IGSF5: variants seen among roughly 807,000 people sequenced by gnomAD.
The protein encoded by IGSF5 is immunoglobulin superfamily member 5, also known as immunoglobulin superfamily 5 like.
A neutral mutation model predicts 39.4 loss-of-function variants in IGSF5; 41 were observed. The ratio of observed to expected loss-of-function variants is 1.04; its 90% confidence interval spans 0.81 to 1.35. The LOEUF is 1.35. IGSF5 is among the 40% of genes most tolerant of loss of function. The pLI, the probability that IGSF5 is intolerant of heterozygous loss-of-function variation, is 0.00. For missense variants in IGSF5, 487 were observed against 494.6 expected (o/e 0.98, Z 0.15); for synonymous variants, 183 against 175.3 (o/e 1.04, Z -0.34).
the IGSF5 span, chr21:39,727,779 A>G: frequency 2.0e-4 from 30 of 152,258 alleles, no homozygotes; most frequent in African/African-American, 7.2e-4. Context: ...CTGCAGACCC[A>G]TGTGGTGCTC....
At position 39,771,116 on chromosome 21, in the gene IGSF5, C is replaced by T; in HGVS notation, c.619C>T (p.Pro207Ser). The T allele has an allele frequency of 7.4e-6, 12 of 1,612,774 alleles. No homozygotes were observed. Among genetic ancestry groups the T allele is most frequent in the African/African-American group, 1.3e-5 (1 of 75,026 alleles). The change falls in exon 4 of 9, where the codon CCA (proline) becomes TCA (serine). Residue 207 changes from proline (P) to serine (S), a missense_variant. Physicochemically the swap from Pro to Ser is moderately conservative, Grantham distance 74. Transcript: ENST00000380588. ...TGCAGTGAGCATCCTGGCTCTGACC[C>T]CACAGAGCAATGGGACTTTGACTTG... Reference protein sequence around the residue: ...QSAVSILALTPQSNGTLTCVA... With the variant: ...QSAVSILALTSQSNGTLTCVA...
At chr21:39,799,438 T>C (rs1215858092) in intron 8 of IGSF5, among the ~76,000 whole-genome samples, 2 of 152,162 alleles carry the variant, frequency 1.3e-5, no homozygotes, top group Admixed American at 6.5e-5. Context: ...TGGATCAGAA[T>C]GTCTGGGAGA....
chr21:39,768,321 C>T (rs750340238), intron 3 of IGSF5, among the ~76,000 whole-genome samples: 83 of 152,128 alleles, frequency 5.5e-4, no homozygotes, highest in Non-Finnish European at 4.9e-4. Flanking sequence ...ATGAATTATT[C>T]TATGATTTTT....
At chr21:39,776,709 T>C (rs2080143345) in intron 4 of IGSF5, among the ~76,000 whole-genome samples, 1 of 152,150 alleles carries the variant, frequency 6.6e-6, no homozygotes, top group Non-Finnish European at 1.5e-5. Flanking sequence ...AAATGTTATG[T>C]CCAGATTCAG....
intron 2 of IGSF5, among the ~76,000 whole-genome samples, chr21:39,747,796 T>G (rs145673981): frequency 6.6e-6 from 1 of 152,266 alleles, no homozygotes; most frequent in African/African-American, 2.4e-5. Context: ...ATTTTTCTTC[T>G]GATTCAGTTG....
chr21:39,723,050 C>A, the IGSF5 span, among the ~76,000 whole-genome samples: 1 of 152,098 alleles, frequency 6.6e-6, no homozygotes, highest in Non-Finnish European at 1.5e-5. Context: ...AACAAATTGC[C>A]GCAAAAGCAG....
chr21:39,801,396 A>C lies in IGSF5; in HGVS notation c.*39A>C, dbSNP rs1240217352. 7.0e-7 allele frequency: 1 copy of C among 1,430,490 alleles called. No individual in the cohort carries two copies. Among genetic ancestry groups the C allele is most frequent in the Non-Finnish European group, 9.9e-7 (1 of 1,014,662 alleles). 88.6% of individuals were successfully genotyped at this position (1,430,490 alleles called of 1,614,324 possible). A position where few individuals can be genotyped will look rare whatever the true frequency, so the allele number is the denominator to read the frequency against. ...AAGCTCCACTGAGCACTTGGCTGACAATTCAAAACACGGCGATGGCATCCT... is the reference window on the plus strand; with the variant it reads ...AAGCTCCACTGAGCACTTGGCTGACCATTCAAAACACGGCGATGGCATCCT... On this transcript the variant is annotated 3_prime_UTR_variant, in exon 9 of 9. Transcript: ENST00000380588.
chr21:39,739,439 T>C, the IGSF5 span, among the ~76,000 whole-genome samples: 1 of 152,128 alleles, frequency 6.6e-6, no homozygotes, highest in South Asian at 2.1e-4. Context: ...TTATCTCCGT[T>C]TTTGCCTAAT....
chr21:39,726,552 G>C, the IGSF5 span, among the ~76,000 whole-genome samples: 1 of 152,170 alleles, frequency 6.6e-6, no homozygotes, highest in Non-Finnish European at 1.5e-5. Flanking sequence ...GGCAGGGCAG[G>C]GTGGAGGCGG....
intron 2 of IGSF5, among the ~76,000 whole-genome samples, chr21:39,760,097 G>C (rs1000934812): frequency 6.6e-6 from 1 of 152,132 alleles, no homozygotes; most frequent in African/African-American, 2.4e-5. Context: ...TTCATTTGTA[G>C]ATATGGCTCT....
At chr21:39,740,899 A>T (rs113502131), upstream of IGSF5, among the ~76,000 whole-genome samples, 19,125 of 152,086 alleles carry the variant, frequency 0.13, 1,257 homozygotes, top group Middle Eastern at 0.2. Context: ...TCACATCATG[A>T]GATGTCCACA....
At chr21:39,755,285 C>T (rs1190118393) in intron 2 of IGSF5, among the ~76,000 whole-genome samples, 3 of 152,110 alleles carry the variant, frequency 2.0e-5, no homozygotes, top group Non-Finnish European at 2.9e-5. Context: ...TTAATCGAAC[C>T]TTAAAAATTA....
rs2087032771 is a variant in IGSF5 at position 39,801,965 on chromosome 21, A to C, written c.*608A>C. The C allele has an allele frequency of 6.6e-6, 1 of 152,412 alleles. No individual in the cohort carries two copies. The allele number at this position is 152,412 out of a possible 1,614,324, so 9.4% of individuals were successfully genotyped here. ...TTATCAGACCTATTTGCATCTCCTCAAATGAATTAGATGTGGCCTATGCTT... is the reference window on the plus strand; with the variant it reads ...TTATCAGACCTATTTGCATCTCCTCCAATGAATTAGATGTGGCCTATGCTT... On this transcript the variant is annotated 3_prime_UTR_variant, in exon 9 of 9. Coordinates refer to ENST00000380588, the MANE Select transcript of IGSF5 (RefSeq NM_001080444.2).
At chr21:39,784,807 C>T (rs938504316) in intron 5 of IGSF5, among the ~76,000 whole-genome samples, 5 of 152,092 alleles carry the variant, frequency 3.3e-5, no homozygotes, top group African/African-American at 7.2e-5. Flanking sequence ...AAACATTAAA[C>T]ATCAAAAATT....
At chr21:39,786,268 AC>A (rs2086918850) in intron 5 of IGSF5, among the ~76,000 whole-genome samples, 1 of 152,090 alleles carries the variant, frequency 6.6e-6, no homozygotes, top group African/African-American at 2.4e-5. Flanking sequence ...CAAGAAAAAA[AC>A]AAACAACCCT....
chr21:39,742,090 G>A (rs1329592811), upstream of IGSF5, among the ~76,000 whole-genome samples: 1 of 151,740 alleles, frequency 6.6e-6, no homozygotes, highest in East Asian at 2.0e-4. Flanking sequence ...TGGACAAAAT[G>A]GGCATTCTTT....
At chr21:39,763,167 C>T (rs748529232) in intron 2 of IGSF5, among the ~76,000 whole-genome samples, 5 of 152,142 alleles carry the variant, frequency 3.3e-5, no homozygotes, top group Non-Finnish European at 4.4e-5. Flanking sequence ...GGCACAGCTG[C>T]GGCGTGGTTT....
chr21:39,728,948 A>AC, the IGSF5 span, among the ~76,000 whole-genome samples: 1 of 152,072 alleles, frequency 6.6e-6, no homozygotes, highest in African/African-American at 2.4e-5. Flanking sequence ...ACTATTTGTG[A>AC]CCCCAAATCT....
At chr21:39,724,764 T>C in the IGSF5 span, among the ~76,000 whole-genome samples, 2 of 152,228 alleles carry the variant, frequency 1.3e-5, no homozygotes, top group African/African-American at 4.8e-5. Context: ...ATTTCCTTCT[T>C]CTTGCTGCAG....
Sources: allele counts gnomAD v4.1 joint callset (sites outside exome capture counted in the v4.1 genomes callset), GRCh38; gene constraint gnomAD v4.1.1; transcripts MANE v1.5; gene names NCBI Gene and HGNC (gene_info 2026-07-23, HGNC 2026-07-21).